The following ESRRB variants were observed in gnomAD, a reference collection of about 807,000 sequenced individuals.
ESRRB encodes the protein steroid hormone receptor ERR2.
A neutral mutation model predicts 46.0 loss-of-function variants in ESRRB; 16 were observed. That is an observed-to-expected ratio of 0.35 (90% confidence interval 0.24 to 0.53). The LOEUF is 0.53. Among genes scored for constraint, ESRRB ranks in the 20% least tolerant of loss-of-function variants. The pLI, the probability that ESRRB is intolerant of heterozygous loss-of-function variation, is 0.93. For missense variants in ESRRB, 488 were observed against 607.4 expected, an observed-to-expected ratio of 0.80 and a Z score of 2.07; for synonymous variants, 246 against 259.6, an observed-to-expected ratio of 0.95 and a Z score of 0.50.
intron 1 of ESRRB, among the ~76,000 whole-genome samples, chr14:76,366,098 T>C (rs1214096134): frequency 6.6e-6 from 1 of 151,836 alleles, no homozygotes; most frequent in Non-Finnish European, 1.5e-5. Context: ...CTTCAGGGAG[T>C]GATCGTATTT....
At chr14:76,444,337 TTTG>T (rs1462912104) in intron 2 of ESRRB, among the ~76,000 whole-genome samples, 1 of 152,060 alleles carries the variant, frequency 6.6e-6, no homozygotes, top group Non-Finnish European at 1.5e-5. Flanking sequence ...CCAGCCAGAT[TTTG>T]TTGTTTCTAA....
intron 1 of ESRRB, among the ~76,000 whole-genome samples, chr14:76,430,287 C>T (rs1014427819): frequency 1.3e-5 from 2 of 152,178 alleles, no homozygotes; most frequent in Non-Finnish European, 2.9e-5. Context: ...CTCTTGATGG[C>T]CCCTGGTTAG....
At chr14:76,458,425 G>GACACACAC (rs58562150) in intron 2 of ESRRB, among the ~76,000 whole-genome samples, 165 of 134,932 alleles carry the variant, frequency 1.2e-3, no homozygotes, top group South Asian at 3.5e-3. Flanking sequence ...CTCTCTCTCT[G>GACACACAC]ACACACACAC....
chr14:76,395,058 G>C (rs1006788097), intron 1 of ESRRB, among the ~76,000 whole-genome samples: 5 of 152,146 alleles, frequency 3.3e-5, no homozygotes, highest in Non-Finnish European at 5.9e-5. Context: ...ATCCCTGTAG[G>C]CTCTTCTTTG....
chr14:76,379,313 G>C (rs1303990940), intron 1 of ESRRB, among the ~76,000 whole-genome samples: 3 of 152,162 alleles, frequency 2.0e-5, no homozygotes, highest in African/African-American at 7.2e-5. Flanking sequence ...ACCAGCTGGA[G>C]ACCCACGGCA....
intron 1 of ESRRB, 101 bp from the exon 2 acceptor site, chr14:76,439,240 T>TTA: frequency 7.4e-7 from 1 of 1,347,550 alleles, no homozygotes. Context: ...CACCAAAGCC[T>TTA]TAGCATAGAG....
At position 76,376,433 on chromosome 14, in the gene ESRRB, C is replaced by T; in HGVS notation, c.32C>T (p.Pro11Leu). The part of the protein sequence containing the change: MDVSELCIPD[P>L]LGYHNQLLNR... ...GTGTCCGAACTCTGCATCCCGGACC[C>T]CCTCGGCTACCACAACCAGTAGGTG... is the stretch of plus-strand genomic sequence containing the variant. The change falls in exon 1 of 7, where the codon CCC becomes CTC. Residue 11 changes from proline (P) to leucine (L), a missense_variant. Pro to Leu is a moderately conservative substitution (Grantham distance 98, BLOSUM62 -3). Coordinates refer to ENST00000644823, the MANE Select transcript of ESRRB (RefSeq NM_001379180.1). The surrounding 1 kb of genome is among the most constrained non-coding windows in gnomAD (Gnocchi z 4.1). 1 of 1,231,780 alleles carries T rather than the reference C, an allele frequency of 8.1e-7. No homozygotes were observed. Among genetic ancestry groups the T allele is most frequent in the Non-Finnish European group, 1.0e-6 (1 of 988,008 alleles). 76.3% of individuals were successfully genotyped at this position (1,231,780 alleles called of 1,614,324 possible).
At chr14:76,473,136 T>A (rs977894882) in intron 3 of ESRRB, among the ~76,000 whole-genome samples, 1 of 150,250 alleles carries the variant, frequency 6.7e-6, no homozygotes, top group Admixed American at 6.7e-5. Context: ...CTGTGACGTT[T>A]CTTGGATGTG....
intron 1 of ESRRB, among the ~76,000 whole-genome samples, chr14:76,410,780 T>A (rs1305468323): frequency 6.6e-6 from 1 of 152,006 alleles, no homozygotes; most frequent in African/African-American, 2.4e-5. Context: ...TCTTCTTATT[T>A]TTTTTTATTT....
chr14:76,349,362 A>G (rs997056333), intron 1 of ESRRB, among the ~76,000 whole-genome samples: 1 of 152,214 alleles, frequency 6.6e-6, no homozygotes, highest in Non-Finnish European at 1.5e-5. Flanking sequence ...ACCTAACTCA[A>G]TCTACATTCT....
chr14:76,447,441 T>C (rs1280818574), intron 2 of ESRRB, among the ~76,000 whole-genome samples: 1 of 152,148 alleles, frequency 6.6e-6, no homozygotes, highest in Admixed American at 6.5e-5. Context: ...TTCCTTCTCA[T>C]ATCCATGGCT....
intron 1 of ESRRB, among the ~76,000 whole-genome samples, chr14:76,333,121 A>ATTATATATTATATAT (rs376403899): frequency 1.3e-4 from 1 of 7,788 alleles, no homozygotes. Context: ...AATATATAAT[A>ATTATATATTATATAT]TATATATTAT....
At chr14:76,359,772 G>A (rs58909044) in intron 1 of ESRRB, among the ~76,000 whole-genome samples, 6,066 of 152,206 alleles carry the variant, frequency 0.04, 175 homozygotes, top group East Asian at 0.12. Context: ...CAGTCTTCTC[G>A]GAAGGTAAGC....
chr14:76,422,026 C>G (rs989083711), intron 1 of ESRRB, among the ~76,000 whole-genome samples: 1 of 152,038 alleles, frequency 6.6e-6, no homozygotes, highest in Non-Finnish European at 1.5e-5. Flanking sequence ...AGTCAAAATG[C>G]CCCGTCTGGA....
chr14:76,477,415 A>G (rs1029472606), intron 3 of ESRRB, among the ~76,000 whole-genome samples: 2 of 152,200 alleles, frequency 1.3e-5, no homozygotes, highest in African/African-American at 4.8e-5. Context: ...GCCTACTGGA[A>G]CTGCTTTCCA....
At chr14:76,397,440 C>G (rs534789788) in intron 1 of ESRRB, among the ~76,000 whole-genome samples, 2 of 152,232 alleles carry the variant, frequency 1.3e-5, no homozygotes, top group African/African-American at 4.8e-5. Context: ...ACAGCCAAAG[C>G]GCCAGGTACC....
At position 76,452,631 on chromosome 14, in the gene ESRRB, ACAAAAC is replaced by A. The variant is rs1566906487; in HGVS notation, c.461-9913_461-9908del. ...TGAGACTCTGTCTCCAAAAAAAAAA[ACAAAAC>A]AAAAACAAAACAAAACAAAAAAAAA... On this transcript the variant is annotated intron_variant, in intron 2 of 6. Transcript: ENST00000644823. 2.6e-3 allele frequency among the ~76,000 whole-genome samples: 254 copies of A among 96,326 alleles called. 2 individuals are homozygous for A. The highest frequency in any genetic ancestry group is 8.9e-3 in the African/African-American group (246 of 27,742). 63.2% of individuals were successfully genotyped at this position (96,326 alleles called of 152,430 possible).
chr14:76,447,108 T>A (rs1282759968), intron 2 of ESRRB, among the ~76,000 whole-genome samples: 1 of 152,166 alleles, frequency 6.6e-6, no homozygotes, highest in Non-Finnish European at 1.5e-5. Context: ...TGCAACTCAC[T>A]CACTGCTGGA....
chr14:76,330,751 G>GT (rs1162466694), intron 1 of ESRRB, among the ~76,000 whole-genome samples: 1 of 152,214 alleles, frequency 6.6e-6, no homozygotes, highest in Non-Finnish European at 1.5e-5. Flanking sequence ...AGGAAACCTT[G>GT]TGAGCAAAGG....
Sources: gnomAD v4.1 joint callset for allele counts (sites outside exome capture counted in the v4.1 genomes callset) on GRCh38, gnomAD v4.1.1 for gene constraint, Gnocchi (gnomAD v3.1) non-coding constraint, MANE v1.5 for transcripts, NCBI Gene and HGNC (gene_info 2026-07-23, HGNC 2026-07-21) for gene names.